BMP6: variants seen among roughly 807,000 people sequenced by gnomAD.
BMP6 encodes VG-1-R.
In BMP6, 17 loss-of-function variants were observed where a neutral mutation model predicts 54.1. The observed-to-expected ratio is 0.31, with a 90% CI of 0.22 to 0.47. The LOEUF is 0.47. Ranked by LOEUF, BMP6 falls within the 20% of genes least tolerant of loss-of-function variation. The pLI is 1.00. For synonymous variants in BMP6, 328 were observed against 291.2 expected (o/e 1.13, Z -1.28); for missense variants, 720 against 690.4 (o/e 1.04, Z -0.48).
Position 7,813,660 on chromosome 6 carries a change from AAAAAAAAAAC to A in BMP6, c.665-31479_665-31470del, listed in dbSNP as rs1307247715. On this transcript the variant is annotated intron_variant, in intron 1 of 6. Coordinates refer to ENST00000283147, the MANE Select transcript of BMP6 (RefSeq NM_001718.6). The stretch of plus-strand genomic sequence containing the variant: ...CCTGTCTCAAAAAAAAAAAAAAAAA[AAAAAAAAAAC>A]CCACCAAACCCAGTATAGAAAATAT... Among the ~76,000 whole-genome samples the A allele has an allele frequency of 2.1e-5, 3 of 145,116 alleles. 1 individual carries two copies. The highest frequency in any genetic ancestry group is 4.5e-5 in the Non-Finnish European group (3 of 66,466).
intron 1 of BMP6, among the ~76,000 whole-genome samples, chr6:7,828,035 T>A (rs35457924): frequency 0.058 from 8,826 of 152,318 alleles, 414 homozygotes; most frequent in African/African-American, 0.13. Context: ...CACTCTTTTT[T>A]AAGTTTCTTA....
At chr6:7,734,639 A>G (rs1761925695) in intron 1 of BMP6, among the ~76,000 whole-genome samples, 1 of 152,212 alleles carries the variant, frequency 6.6e-6, no homozygotes, top group Non-Finnish European at 1.5e-5. Context: ...GTTGACTCCA[A>G]AGAATTGTTT....
chr6:7,795,983 G>A (rs912682982), intron 1 of BMP6, among the ~76,000 whole-genome samples: 1 of 152,156 alleles, frequency 6.6e-6, no homozygotes, highest in Non-Finnish European at 1.5e-5. Context: ...TAGCAAGTAC[G>A]CAGTTGGAGT....
rs145418769 is a variant in BMP6 at position 7,732,552 on chromosome 6, T to C, written c.664+4933T>C. ...AGAATCTGTTTAAATACAAAAACAATGCTCAGTGCTTGCTTTAGCATATAA... is the reference window on the plus strand; with the variant it reads ...AGAATCTGTTTAAATACAAAAACAACGCTCAGTGCTTGCTTTAGCATATAA... On this transcript the variant is annotated intron_variant, in intron 1 of 6. Transcript: ENST00000283147. Among the ~76,000 whole-genome samples the C allele has an allele frequency of 2.3e-3, 358 of 152,346 alleles. 1 individual carries two copies. Among genetic ancestry groups the C allele is most frequent in the African/African-American group, 8.2e-3 (343 of 41,588 alleles).
At chr6:7,735,586 AG>A (rs1044179632) in intron 1 of BMP6, among the ~76,000 whole-genome samples, 14 of 152,184 alleles carry the variant, frequency 9.2e-5, no homozygotes, top group Admixed American at 5.2e-4. Flanking sequence ...TTAGAAAGAG[AG>A]GGTTTTTTTT....
intron 1 of BMP6, among the ~76,000 whole-genome samples, chr6:7,746,520 T>G (rs1167090278): frequency 6.6e-6 from 1 of 152,234 alleles, no homozygotes; most frequent in Non-Finnish European, 1.5e-5. Context: ...CATTTTTTCT[T>G]TCCTGCAATT....
intron 5 of BMP6, among the ~76,000 whole-genome samples, chr6:7,879,505 T>A (rs992385053): frequency 2.0e-5 from 3 of 152,206 alleles, no homozygotes; most frequent in Admixed American, 2.0e-4. Context: ...GGAAAAAAAT[T>A]ACCTAATGGT....
intron 1 of BMP6, among the ~76,000 whole-genome samples, chr6:7,807,646 C>T (rs530554995): frequency 1.4e-4 from 21 of 152,220 alleles, no homozygotes; most frequent in African/African-American, 4.8e-4. Flanking sequence ...ACTCCAGGAG[C>T]GGGTCCCAGC....
chr6:7,857,627 A>G (rs952943698), intron 2 of BMP6, among the ~76,000 whole-genome samples: 1 of 152,228 alleles, frequency 6.6e-6, no homozygotes, highest in African/African-American at 2.4e-5. Flanking sequence ...GAACTCTGCC[A>G]AAGTGAGATT....
intron 1 of BMP6, among the ~76,000 whole-genome samples, chr6:7,800,246 C>A (rs1435416545): frequency 6.6e-6 from 1 of 152,090 alleles, no homozygotes; most frequent in Non-Finnish European, 1.5e-5. Context: ...TAATCCTTAT[C>A]TTTGCTACTT....
intron 1 of BMP6, among the ~76,000 whole-genome samples, chr6:7,833,508 A>G (rs1475800415): frequency 6.6e-6 from 1 of 152,192 alleles, no homozygotes; most frequent in East Asian, 1.9e-4. Flanking sequence ...TGGGGGAAGA[A>G]GTATGCCCAG....
At chr6:7,786,960 G>A (rs942016859) in intron 1 of BMP6, among the ~76,000 whole-genome samples, 4 of 152,106 alleles carry the variant, frequency 2.6e-5, no homozygotes, top group Non-Finnish European at 4.4e-5. Flanking sequence ...GATGATCCCC[G>A]AATCCTGGTA....
At chr6:7,860,034 AAT>A (rs1759310036) in intron 2 of BMP6, among the ~76,000 whole-genome samples, 1 of 152,180 alleles carries the variant, frequency 6.6e-6, no homozygotes, top group Non-Finnish European at 1.5e-5. Flanking sequence ...CGTCTTTGGT[AAT>A]CATCTCAATG....
chr6:7,769,987 T>C (rs141610280), intron 1 of BMP6, among the ~76,000 whole-genome samples: 6 of 152,290 alleles, frequency 3.9e-5, no homozygotes, highest in African/African-American at 1.4e-4. Context: ...TAGACTACTA[T>C]TTTAGCATCT....
chr6:7,728,949 TG>T (rs1205385495), intron 1 of BMP6, among the ~76,000 whole-genome samples: 1 of 152,026 alleles, frequency 6.6e-6, no homozygotes, highest in African/African-American at 2.4e-5. Flanking sequence ...GGAGAGAACA[TG>T]GGGGGTAAGA....
intron 4 of BMP6, among the ~76,000 whole-genome samples, chr6:7,868,877 C>T (rs1759474321): frequency 6.6e-6 from 1 of 152,064 alleles, no homozygotes; most frequent in Non-Finnish European, 1.5e-5. Context: ...TCTCCCTCTC[C>T]CTCCCCACCT....
At chr6:7,799,916 A>C (rs919866641) in intron 1 of BMP6, among the ~76,000 whole-genome samples, 18 of 152,142 alleles carry the variant, frequency 1.2e-4, no homozygotes, top group African/African-American at 4.1e-4. Context: ...ATAGGTGCAA[A>C]TGTTGAAGGG....
At chr6:7,768,272 G>C (rs998764917) in intron 1 of BMP6, among the ~76,000 whole-genome samples, 2 of 152,158 alleles carry the variant, frequency 1.3e-5, no homozygotes, top group African/African-American at 4.8e-5. Flanking sequence ...CCAGCTCCTG[G>C]AAGTAAAACT....
chr6:7,822,170 G>A lies in BMP6; in HGVS notation c.665-22970G>A, dbSNP rs572449220. On this transcript the variant is annotated intron_variant, in intron 1 of 6. Coordinates refer to ENST00000283147, the MANE Select transcript of BMP6 (RefSeq NM_001718.6). ...CGAGTAGCTGGGGTTACAGTCATGCGCCAGCATGCCCAGCTAATTTTGTAT... is the reference window on the plus strand; with the variant it reads ...CGAGTAGCTGGGGTTACAGTCATGCACCAGCATGCCCAGCTAATTTTGTAT... Among the ~76,000 whole-genome samples, 8 of 152,180 alleles carry A rather than the reference G, an allele frequency of 5.3e-5. No individual in the cohort carries two copies. In the South Asian group the frequency reaches 6.2e-4, roughly 12 times the overall value.
Sources: allele counts gnomAD v4.1 joint callset (sites outside exome capture counted in the v4.1 genomes callset), GRCh38; gene constraint gnomAD v4.1.1; transcripts MANE v1.5; gene names NCBI Gene and HGNC (gene_info 2026-07-23, HGNC 2026-07-21).